INO80: variants seen among roughly 807,000 people sequenced by gnomAD.
The protein encoded by INO80 is chromatin-remodeling ATPase INO80.
INO80 carries 20 observed loss-of-function variants against 203.4 expected under a neutral mutation model. The ratio of observed to expected loss-of-function variants is 0.10; its 90% CI spans 0.07 to 0.14. The LOEUF (loss-of-function observed/expected upper bound fraction) is 0.14, where lower values mean the gene tolerates loss of function less well. INO80 is among the 10% of genes least tolerant of loss of function. The pLI is 1.00. For synonymous variants in INO80, 726 were observed against 685.2 expected (o/e 1.06, Z -0.93); for missense variants, 1,419 against 1,914.4 (o/e 0.74, Z 4.83).
chr15:41,092,150 A>C lies in INO80; in HGVS notation c.414T>G (p.Ala138=), dbSNP rs763294100. The C allele has an allele frequency of 6.2e-7, 1 of 1,608,860 alleles. No individual in the cohort carries two copies. Among genetic ancestry groups the C allele is most frequent in the Non-Finnish European group, 8.5e-7 (1 of 1,175,802 alleles). ...CATCATCGTCTTCACTCTGAGAATC[A>C]GCCTCGCTGGATTCATCACTTAGCA... ...SILLSDESSE[A]DSQSEDDDEE... The change falls in exon 5 of 36, where the codon GCT becomes GCG. Residue 138 remains alanine (A), a synonymous_variant. Coordinates refer to ENST00000648947, the MANE Select transcript of INO80 (RefSeq NM_017553.3).
intron 24 of INO80, among the ~76,000 whole-genome samples, chr15:41,044,529 T>G (rs549974442): frequency 6.6e-6 from 1 of 152,248 alleles, no homozygotes; most frequent in South Asian, 2.1e-4. Context: ...GGCAATTACC[T>G]TTAATTGTTG....
At chr15:41,097,376 G>A (rs961067528) in intron 1 of INO80, among the ~76,000 whole-genome samples, 1 of 152,064 alleles carries the variant, frequency 6.6e-6, no homozygotes, top group Non-Finnish European at 1.5e-5. Context: ...AGTAGCATCT[G>A]CCTTATACCT....
chr15:41,104,207 A>C (rs1264099215), intron 1 of INO80, among the ~76,000 whole-genome samples: 1 of 106,562 alleles, frequency 9.4e-6, no homozygotes, highest in Non-Finnish European at 1.7e-5. Flanking sequence ...ACTCCATCTC[A>C]AAAAAAAAAA....
chr15:41,082,921 C>T (rs2045506027), intron 7 of INO80, among the ~76,000 whole-genome samples: 1 of 151,638 alleles, frequency 6.6e-6, no homozygotes, highest in Non-Finnish European at 1.5e-5. Flanking sequence ...ATTGAAAGGA[C>T]ACCATCTGAG....
Position 41,000,325 on chromosome 15 carries a change from T to C in INO80, c.3498-2724A>G, listed in dbSNP as rs148857839. Among the ~76,000 whole-genome samples the C allele has an allele frequency of 3.5e-3, 523 of 151,542 alleles. 3 individuals carry two copies. The highest frequency in any genetic ancestry group is 0.012 in the African/African-American group (507 of 41,276). On this transcript the variant is annotated intron_variant, in intron 28 of 35. Coordinates refer to ENST00000648947, the MANE Select transcript of INO80 (RefSeq NM_017553.3). ...TAGGCGTCAGGGAATGGGTACAGGG[T>C]GGGAGTATGGGGGACTGGTGGGAAA...
At chr15:41,082,305 T>C (rs1326386267) in intron 7 of INO80, among the ~76,000 whole-genome samples, 1 of 149,904 alleles carries the variant, frequency 6.7e-6, no homozygotes, top group Non-Finnish European at 1.5e-5. Context: ...GGCTTACACC[T>C]GCAACCCCGG....
chr15:40,988,126 T>C (rs2043764569), intron 29 of INO80, 152 bp from the exon 30 acceptor site: 1 of 569,654 alleles, frequency 1.8e-6, no homozygotes, highest in South Asian at 3.0e-5. Context: ...TCTTAGAAGA[T>C]ACAAAGCCGT....
At chr15:41,088,530 T>TA (rs2045592880) in intron 5 of INO80, among the ~76,000 whole-genome samples, 1 of 152,228 alleles carries the variant, frequency 6.6e-6, no homozygotes, top group Non-Finnish European at 1.5e-5. Context: ...TTATTATAAA[T>TA]AGTGCCTACA....
intron 9 of INO80, among the ~76,000 whole-genome samples, chr15:41,077,319 C>G (rs2045420269): frequency 6.8e-6 from 1 of 147,874 alleles, no homozygotes; most frequent in Non-Finnish European, 1.5e-5. Context: ...TATCCTTGAT[C>G]CACTCTCCCA....
chr15:41,049,347 T>C lies in INO80; in HGVS notation c.2516A>G (p.His839Arg), dbSNP rs751155696. ...ATGACGGTAGATAAACTTTGAAATG[T>C]GGTATGGCTTTAGGGAAATATGAAA... ...SPFHISLKPY[H>R]ISKFIYRHGQ... The change falls in exon 21 of 36, where the codon CAC becomes CGC. Residue 839 changes from histidine to arginine, a missense_variant. Physicochemically the swap from His to Arg is conservative, Grantham distance 29. Coordinates refer to ENST00000648947, the MANE Select transcript of INO80 (RefSeq NM_017553.3). The C allele has an allele frequency of 8.1e-6, 13 of 1,613,656 alleles. No homozygotes were observed. The highest frequency in any genetic ancestry group is 3.3e-5 in the Admixed American group (2 of 59,992).
Position 41,085,586 on chromosome 15 carries a change from G to T in INO80, c.659-3C>A, listed in dbSNP as rs2045551255. The T allele has an allele frequency of 6.2e-7, 1 of 1,612,716 alleles. No individual in the cohort carries two copies. Among genetic ancestry groups the T allele is most frequent in the African/African-American group, 1.3e-5 (1 of 74,896 alleles). On this transcript the variant is annotated splice_polypyrimidine_tract_variant and splice_region_variant and intron_variant, in intron 6 of 35. Transcript: ENST00000648947. ...TTTCTTCACTTTTTTCAACTTAGCT[G>T]CAAAAGAAACAGATGCAACAGGTTG...
chr15:41,072,033 T>C lies in INO80; in HGVS notation c.1421A>G (p.Lys474Arg). 6.3e-7 allele frequency: 1 copy of C among 1,595,776 alleles called. No homozygotes were observed. Among genetic ancestry groups the C allele is most frequent in the Non-Finnish European group, 8.5e-7 (1 of 1,174,820 alleles). ...ARTRSFDEDA[K>R]ESRAAALRAA... ...CCGTAGGGCAGCTGCTCGACTTTCTTTTGCATCTTCATCAAATGACCTTGT... is the reference window on the plus strand; with the variant it reads ...CCGTAGGGCAGCTGCTCGACTTTCTCTTGCATCTTCATCAAATGACCTTGT... Residue 474 changes from lysine to arginine, a missense_variant, in exon 12 of 36, where the codon AAA becomes AGA. This residue lies in a region of INO80 where 116 missense variants were observed against 119.5 expected (regional missense o/e 0.97). Coordinates refer to ENST00000648947, the MANE Select transcript of INO80 (RefSeq NM_017553.3).
intron 9 of INO80, among the ~76,000 whole-genome samples, chr15:41,078,024 C>T (rs2140618694): frequency 6.6e-6 from 1 of 151,912 alleles, no homozygotes; most frequent in South Asian, 2.1e-4. Flanking sequence ...CTCAGCCTCC[C>T]AAGCAGCTGA....
chr15:40,991,438 G>T (rs1351911646), intron 29 of INO80, among the ~76,000 whole-genome samples: 1 of 152,060 alleles, frequency 6.6e-6, no homozygotes, highest in African/African-American at 2.4e-5. Context: ...AGTGGTGAGG[G>T]AGACAATGCA....
chr15:40,985,479 C>G, intron 31 of INO80, 53 bp from the exon 32 acceptor site: 1 of 1,295,448 alleles, frequency 7.7e-7, no homozygotes, highest in Non-Finnish European at 1.1e-6. Flanking sequence ...AATCATAATC[C>G]TCACTCTCTT....
chr15:41,001,040 C>T (rs529852278), intron 28 of INO80, among the ~76,000 whole-genome samples: 2 of 152,024 alleles, frequency 1.3e-5, no homozygotes, highest in Admixed American at 6.6e-5. Context: ...TAGTTCCTAC[C>T]GTGGACTATA....
chr15:41,089,263 G>A (rs1192915547), intron 5 of INO80, among the ~76,000 whole-genome samples: 1 of 152,088 alleles, frequency 6.6e-6, no homozygotes, highest in African/African-American at 2.4e-5. Flanking sequence ...CCTTACTGCT[G>A]GAGTTTAAGA....
intron 1 of INO80, among the ~76,000 whole-genome samples, chr15:41,110,172 G>A (rs1305882680): frequency 6.6e-6 from 1 of 151,922 alleles, no homozygotes; most frequent in Non-Finnish European, 1.5e-5. Context: ...TTGAGATGGA[G>A]TTCCCCTCTG....
intron 29 of INO80, among the ~76,000 whole-genome samples, chr15:40,993,830 ACT>A (rs1251480541): frequency 5.9e-5 from 9 of 152,006 alleles, no homozygotes; most frequent in Admixed American, 3.9e-4. Flanking sequence ...TGAACTTCAG[ACT>A]CTGCTGCCTG....
Sources: gnomAD v4.1 joint callset for allele counts (sites outside exome capture counted in the v4.1 genomes callset) on GRCh38, gnomAD v4.1.1 for gene constraint, gnomAD v4.1.1 regional missense constraint, MANE v1.5 for transcripts, NCBI Gene and HGNC (gene_info 2026-07-23, HGNC 2026-07-21) for gene names.